AGAP1: variants seen among roughly 807,000 people sequenced by gnomAD.
The protein encoded by AGAP1 is arf-GAP with GTPase, ANK repeat and PH domain-containing protein 1.
AGAP1 carries 29 observed loss-of-function variants against 105.3 expected under a neutral mutation model. That is an observed-to-expected ratio of 0.28 (90% CI 0.21 to 0.38). The LOEUF (loss-of-function observed/expected upper bound fraction) is 0.38. Among genes scored for constraint, AGAP1 ranks in the 10% least tolerant of loss-of-function variants. The probability of loss-of-function intolerance (pLI) is 1.00; values close to 1 mark genes in which losing one functional copy is unlikely to be tolerated. For synonymous variants in AGAP1, 509 were observed against 485.9 expected, an observed-to-expected ratio of 1.05 and a Z score of -0.63; for missense variants, 998 against 1,165.1, an observed-to-expected ratio of 0.86 and a Z score of 2.09.
rs1413755164 is a variant in AGAP1, at chr2:235,611,856, G to C, written c.164-97323G>C. 6.6e-6 allele frequency among the ~76,000 whole-genome samples: 1 copy of C among 152,102 alleles called. No homozygotes were observed. The highest frequency in any genetic ancestry group is 1.5e-5 in the Non-Finnish European group (1 of 68,026). ...GAGACAAAGAAATCCTTCCCTCCCT[G>C]TTCCAGTTGTGGAACATATGGTCAC... is the stretch of plus-strand genomic sequence containing the variant. On this transcript the variant is annotated intron_variant, in intron 1 of 17. Transcript: ENST00000304032. The surrounding 1 kb of genome is among the most constrained non-coding windows in gnomAD (Gnocchi z 5.0).
In AGAP1 at chr2:235,799,630, T is replaced by A. The variant is rs1957399638; in HGVS notation, c.957+108T>A. 1 of 1,232,592 alleles carries A rather than the reference T, an allele frequency of 8.1e-7. No individual in the cohort carries two copies. The highest frequency in any genetic ancestry group is 1.5e-5 in the African/African-American group (1 of 66,386). The allele number at this position is 1,232,592 out of a possible 1,614,324, so 76.4% of individuals were successfully genotyped here. The stretch of plus-strand genomic sequence containing the variant: ...TGGTATTTGTAGAATCTCAACTATA[T>A]TAAAGTGAATAACATTGATTTCTGT... On this transcript the variant is annotated intron_variant, in intron 8 of 17. Transcript: ENST00000304032. This position sits in a 1 kb window ranked among gnomAD's most constrained non-coding sequence, Gnocchi z 5.0.
intron 11 of AGAP1, among the ~76,000 whole-genome samples, chr2:235,924,551 G>A (rs11691683): frequency 0.43 from 65,996 of 151,980 alleles, 15,128 homozygotes; most frequent in African/African-American, 0.56. Context: ...TCCCCTACTC[G>A]CGAGTTAGCA....
At chr2:235,991,379 G>A (rs926816859) in intron 13 of AGAP1, among the ~76,000 whole-genome samples, 1 of 152,122 alleles carries the variant, frequency 6.6e-6, no homozygotes, top group Non-Finnish European at 1.5e-5. Flanking sequence ...AAATTGGACA[G>A]TTTTAAAAAG....
At chr2:235,834,109 A>G (rs1334452725) in intron 9 of AGAP1, among the ~76,000 whole-genome samples, 2 of 152,060 alleles carry the variant, frequency 1.3e-5, no homozygotes, top group Non-Finnish European at 2.9e-5. Context: ...CTGAGTTCTC[A>G]TTTGCCCGGT....
At chr2:235,881,455 T>C (rs1022130711) in intron 9 of AGAP1, among the ~76,000 whole-genome samples, 1 of 152,188 alleles carries the variant, frequency 6.6e-6, no homozygotes, top group Non-Finnish European at 1.5e-5. Flanking sequence ...CTCTCAGTCA[T>C]ATTAAGGTTA....
Position 235,744,273 on chromosome 2 carries a change from A to G in AGAP1, c.397-425A>G, listed in dbSNP as rs1387230730. The stretch of plus-strand genomic sequence containing the variant: ...GGTTCTGAGCAGGCATGAGGGGTCC[A>G]GCAAGGCTTCCTTAAGAGGTTGAGA... On this transcript the variant is annotated intron_variant, in intron 4 of 17. Transcript: ENST00000304032. The surrounding 1 kb of genome is among the most constrained non-coding windows in gnomAD (Gnocchi z 5.2). 6.6e-6 allele frequency among the ~76,000 whole-genome samples: 1 copy of G among 152,204 alleles called. No homozygotes were observed. Among genetic ancestry groups the G allele is most frequent in the Non-Finnish European group, 1.5e-5 (1 of 68,042 alleles).
At chr2:235,940,028 T>G (rs2053187865) in intron 12 of AGAP1, among the ~76,000 whole-genome samples, 1 of 152,168 alleles carries the variant, frequency 6.6e-6, no homozygotes, top group Admixed American at 6.5e-5. Context: ...GCTCAGCATA[T>G]TTGAAGAACT....
chr2:235,774,063 A>C (rs1423138991), intron 6 of AGAP1: 1 of 439,064 alleles, frequency 2.3e-6, no homozygotes, highest in Non-Finnish European at 4.6e-6. Flanking sequence ...ACAAAAGTTA[A>C]ATTTCTTAAT....
At chr2:236,047,283 G>A (rs982538651) in intron 15 of AGAP1, among the ~76,000 whole-genome samples, 27 of 152,054 alleles carry the variant, frequency 1.8e-4, no homozygotes, top group African/African-American at 5.6e-4. Flanking sequence ...TCAGTGATCC[G>A]GAGGTGCAGA....
At chr2:235,925,312 A>G (rs1559653222) in intron 11 of AGAP1, among the ~76,000 whole-genome samples, 2 of 151,550 alleles carry the variant, frequency 1.3e-5, no homozygotes, top group South Asian at 4.2e-4. Context: ...ATTTCCAACG[A>G]TGGTGCGCAG....
chr2:235,852,832 G>C, intron 9 of AGAP1: 1 of 1,486,834 alleles, frequency 6.7e-7, no homozygotes, highest in African/African-American at 1.4e-5. Flanking sequence ...CAGCCCAGCT[G>C]TCCGGGGCCA....
intron 16 of AGAP1, among the ~76,000 whole-genome samples, chr2:236,094,006 C>G (rs2125880246): frequency 6.6e-6 from 1 of 152,252 alleles, no homozygotes; most frequent in South Asian, 2.1e-4. Context: ...GGTGTACTAA[C>G]AACAGTCATA....
intron 15 of AGAP1, among the ~76,000 whole-genome samples, chr2:236,043,129 A>G (rs1333290328): frequency 6.6e-6 from 1 of 152,210 alleles, no homozygotes; most frequent in Non-Finnish European, 1.5e-5. Flanking sequence ...AAAAATACCC[A>G]ATTTTGGTTA....
At chr2:236,025,401 A>C (rs768139489) in intron 13 of AGAP1, among the ~76,000 whole-genome samples, 2 of 152,064 alleles carry the variant, frequency 1.3e-5, no homozygotes, top group Non-Finnish European at 2.9e-5. Flanking sequence ...GTCACTTCGT[A>C]ATGTGCTGCA....
At chr2:235,640,248 A>G (rs1023046891) in intron 1 of AGAP1, among the ~76,000 whole-genome samples, 18 of 152,234 alleles carry the variant, frequency 1.2e-4, no homozygotes, top group Middle Eastern at 3.4e-3. Flanking sequence ...GCCCTTTTTG[A>G]TTTGAACTCC....
rs1322545983 is a variant in AGAP1 at position 235,908,327 on chromosome 2, T to C, written c.1156-411T>C. Among the ~76,000 whole-genome samples the C allele has an allele frequency of 2.6e-5, 4 of 152,234 alleles. No homozygotes were observed. In the East Asian group the frequency reaches 7.7e-4, roughly 29 times the overall value. On this transcript the variant is annotated intron_variant, in intron 10 of 17. Coordinates refer to ENST00000304032, the MANE Select transcript of AGAP1 (RefSeq NM_001037131.3). This position sits in a 1 kb window ranked among gnomAD's most constrained non-coding sequence, Gnocchi z 4.4. The stretch of plus-strand genomic sequence containing the variant: ...CAGTCTTATCTAGATTTTAATGATA[T>C]TCCCATCTGAGACAGAAAGGTTATT...
chr2:235,505,938 T>C (rs958568373), intron 1 of AGAP1: 1 of 150,668 alleles, frequency 6.6e-6, no homozygotes, highest in African/African-American at 2.4e-5. Context: ...TCTTTTTTTT[T>C]TTTTTTTTTT....
rs1037372824 is a variant in AGAP1 at position 235,888,725 on chromosome 2, A to T, written c.1155+5276A>T. On this transcript the variant is annotated intron_variant, in intron 10 of 17. Transcript: ENST00000304032. This position sits in a 1 kb window ranked among gnomAD's most constrained non-coding sequence, Gnocchi z 4.8. ...GTCTTTAAAAAAAAAAAAAAAGTTG[A>T]TAGAGGCAGGTACAGCATTTGTTGC... Among the ~76,000 whole-genome samples the T allele has an allele frequency of 6.6e-5, 10 of 150,678 alleles. No homozygotes were observed. The highest frequency in any genetic ancestry group is 4.0e-4 in the Admixed American group (6 of 15,180).
chr2:235,717,146 T>C (rs1280745930), intron 2 of AGAP1, among the ~76,000 whole-genome samples: 1 of 151,970 alleles, frequency 6.6e-6, no homozygotes, highest in Non-Finnish European at 1.5e-5. Context: ...CATGCATGGG[T>C]CCTCGCCACT....
Sources: gnomAD v4.1 joint callset for allele counts (sites outside exome capture counted in the v4.1 genomes callset) on GRCh38, gnomAD v4.1.1 for gene constraint, Gnocchi (gnomAD v3.1) non-coding constraint, MANE v1.5 for transcripts, NCBI Gene and HGNC (gene_info 2026-07-23, HGNC 2026-07-21) for gene names.